Variants in GRIA4 observed in about 807,000 individuals in gnomAD.
GRIA4 encodes the protein glutamate ionotropic receptor AMPA type subunit 4.
In GRIA4, 34 loss-of-function variants were observed where a neutral mutation model predicts 104.0. The observed-to-expected ratio is 0.33, with a 90% confidence interval of 0.25 to 0.44. The LOEUF (loss-of-function observed/expected upper bound fraction) is 0.44, where lower values mean the gene tolerates loss of function less well. GRIA4 is among the 20% of genes least tolerant of loss of function. The probability of loss-of-function intolerance (pLI) is 1.00; values close to 1 mark genes in which losing one functional copy is unlikely to be tolerated. For missense variants in GRIA4, 750 were observed against 1,096.5 expected (o/e 0.68, Z 4.46); for synonymous variants, 386 against 381.9 (o/e 1.01, Z -0.13).
intron 3 of GRIA4, among the ~76,000 whole-genome samples, chr11:105,720,586 G>A (rs1173492589): frequency 2.0e-5 from 3 of 152,170 alleles, no homozygotes; most frequent in Non-Finnish European, 2.9e-5. Context: ...GTGTAAGAAA[G>A]GGCTAGTTCT....
At chr11:105,677,061 TATA>T (rs1952561318) in intron 3 of GRIA4, among the ~76,000 whole-genome samples, 1 of 151,886 alleles carries the variant, frequency 6.6e-6, no homozygotes, top group South Asian at 2.1e-4. Flanking sequence ...AGTAGCCCTA[TATA>T]ATATTTTCAA....
At chr11:105,638,532 C>T (rs72991735) in intron 3 of GRIA4, among the ~76,000 whole-genome samples, 1,294 of 112,114 alleles carry the variant, frequency 0.012, 6 homozygotes, top group Admixed American at 0.017. Flanking sequence ...TTACGAGGTG[C>T]GCGTGTATGT....
intron 4 of GRIA4, among the ~76,000 whole-genome samples, chr11:105,776,191 T>C (rs1941443556): frequency 6.6e-6 from 1 of 152,106 alleles, no homozygotes. Context: ...TAAATCATTG[T>C]ACACAATACA....
intron 3 of GRIA4, among the ~76,000 whole-genome samples, chr11:105,743,881 T>C (rs975627504): frequency 6.6e-6 from 1 of 152,226 alleles, no homozygotes; most frequent in Non-Finnish European, 1.5e-5. Context: ...TATTAGATTC[T>C]GCCTATTTAT....
At chr11:105,939,884 G>A (rs1948140210) in intron 14 of GRIA4, among the ~76,000 whole-genome samples, 2 of 151,840 alleles carry the variant, frequency 1.3e-5, no homozygotes, top group South Asian at 4.2e-4. Context: ...CACCCTAGGT[G>A]GCCTCAGCAC....
At chr11:105,956,484 C>T (rs1948594104) in intron 14 of GRIA4, among the ~76,000 whole-genome samples, 1 of 152,178 alleles carries the variant, frequency 6.6e-6, no homozygotes. Flanking sequence ...ATATGTGCCA[C>T]ATTTTCTTAA....
chr11:105,678,358 G>A (rs1952606818), intron 3 of GRIA4, among the ~76,000 whole-genome samples: 1 of 151,858 alleles, frequency 6.6e-6, no homozygotes, highest in African/African-American at 2.4e-5. Context: ...TATCTTCACT[G>A]TTAGTAAGCA....
intron 3 of GRIA4, among the ~76,000 whole-genome samples, chr11:105,701,450 C>T (rs983426121): frequency 2.6e-5 from 4 of 152,130 alleles, no homozygotes; most frequent in African/African-American, 7.2e-5. Flanking sequence ...AATCAAGGAG[C>T]TTTAGAATAT....
intron 14 of GRIA4, among the ~76,000 whole-genome samples, chr11:105,948,079 G>C (rs534308119): frequency 6.6e-6 from 1 of 152,242 alleles, no homozygotes; most frequent in African/African-American, 2.4e-5. Context: ...CCTTTCATTA[G>C]CTTGTAATCT....
At chr11:105,621,497 T>C (rs112667641) in intron 3 of GRIA4, among the ~76,000 whole-genome samples, 1 of 151,624 alleles carries the variant, frequency 6.6e-6, no homozygotes, top group African/African-American at 2.4e-5. Flanking sequence ...CTATATCTTA[T>C]TAATGGTTTA....
intron 3 of GRIA4, among the ~76,000 whole-genome samples, chr11:105,696,226 G>T (rs1953273967): frequency 6.6e-6 from 1 of 152,162 alleles, no homozygotes; most frequent in South Asian, 2.1e-4. Context: ...CAAAAAGCAT[G>T]TTACGTACTT....
At chr11:105,899,320 C>T (rs1315909009) in intron 7 of GRIA4, among the ~76,000 whole-genome samples, 1 of 152,150 alleles carries the variant, frequency 6.6e-6, no homozygotes, top group African/African-American at 2.4e-5. Context: ...AATGGATGTC[C>T]ACTATGTGTC....
chr11:105,781,566 C>T (rs1157095765), intron 4 of GRIA4, among the ~76,000 whole-genome samples: 2 of 151,938 alleles, frequency 1.3e-5, no homozygotes. Context: ...GATAATTCTG[C>T]TCATGGAAAA....
chr11:105,747,782 T>C (rs2135677085), intron 3 of GRIA4, among the ~76,000 whole-genome samples: 1 of 152,272 alleles, frequency 6.6e-6, no homozygotes, highest in South Asian at 2.1e-4. Context: ...TATATCCTAA[T>C]GAATAACCAG....
intron 3 of GRIA4, among the ~76,000 whole-genome samples, chr11:105,699,943 AG>A (rs1953424882): frequency 6.6e-6 from 1 of 152,200 alleles, no homozygotes; most frequent in African/African-American, 2.4e-5. Flanking sequence ...CCATGAAAAT[AG>A]GAACACTGTC....
chr11:105,730,079 G>C lies in GRIA4; in HGVS notation c.248-22902G>C, dbSNP rs1183311864. On this transcript the variant is annotated intron_variant, in intron 3 of 16. Coordinates refer to ENST00000282499, the MANE Select transcript of GRIA4 (RefSeq NM_000829.4). ...AAAGCGTATTCAAATAGGAAGAGAG[G>C]AAGTCAATTCATCTCTGTTTGCAGA... 1.3e-5 allele frequency among the ~76,000 whole-genome samples: 2 copies of C among 152,156 alleles called. 1 individual carries two copies. The highest frequency in any genetic ancestry group is 2.9e-5 in the Non-Finnish European group (2 of 68,034).
intron 11 of GRIA4, among the ~76,000 whole-genome samples, chr11:105,922,601 G>A (rs1250315314): frequency 6.6e-6 from 1 of 152,010 alleles, no homozygotes; most frequent in Non-Finnish European, 1.5e-5. Flanking sequence ...TAAAGCATTT[G>A]CAATCATTAA....
chr11:105,648,604 A>G (rs865859595), intron 3 of GRIA4, among the ~76,000 whole-genome samples: 6 of 151,890 alleles, frequency 4.0e-5, no homozygotes, highest in Admixed American at 3.9e-4. Flanking sequence ...AAAAAAAAAG[A>G]AAGAACTAGG....
At chr11:105,620,823 G>A (rs1254172606) in intron 3 of GRIA4, among the ~76,000 whole-genome samples, 1 of 151,710 alleles carries the variant, frequency 6.6e-6, no homozygotes, top group African/African-American at 2.4e-5. Context: ...TTTGATTTCA[G>A]GATAACTGCA....
Sources: gnomAD v4.1 joint callset for allele counts (sites outside exome capture counted in the v4.1 genomes callset) on GRCh38, gnomAD v4.1.1 for gene constraint, MANE v1.5 for transcripts, NCBI Gene and HGNC (gene_info 2026-07-23, HGNC 2026-07-21) for gene names.